The following AHI1 variants were observed in gnomAD, a reference collection of about 807,000 sequenced individuals.
AHI1 encodes Abelson helper integration site 1, also known as jouberin.
Under a neutral mutation model 149.3 loss-of-function variants are expected in AHI1, and 123 were observed. The ratio of observed to expected loss-of-function variants is 0.82; its 90% CI spans 0.71 to 0.96. AHI1 has a LOEUF of 0.96. Among genes scored for constraint, AHI1 ranks in the 40% least tolerant of loss-of-function variants. The pLI, the probability that AHI1 is intolerant of heterozygous loss-of-function variation, is 0.00. For missense variants in AHI1, 1,439 were observed against 1,422.7 expected (o/e 1.01, Z -0.18); for synonymous variants, 475 against 459.8 (o/e 1.03, Z -0.42).
chr6:135,294,468 C>T (rs1397996032), intron 27 of AHI1, among the ~76,000 whole-genome samples: 37 of 151,948 alleles, frequency 2.4e-4, no homozygotes, highest in Non-Finnish European at 2.9e-5. Flanking sequence ...AAGATCACGC[C>T]ATTGCACTCC....
At chr6:135,394,971 T>C in intron 22 of AHI1, 75 bp from the exon 23 acceptor site, 1 of 1,480,886 alleles carries the variant, frequency 6.8e-7, no homozygotes, top group Non-Finnish European at 9.2e-7. Context: ...ATGAGAAATA[T>C]TTGCTTATTA....
At chr6:135,406,367 T>C (rs1780795123) in intron 21 of AHI1, among the ~76,000 whole-genome samples, 1 of 152,226 alleles carries the variant, frequency 6.6e-6, no homozygotes, top group African/African-American at 2.4e-5. Flanking sequence ...AAACTGACTG[T>C]GGACATGGGA....
intron 15 of AHI1, among the ~76,000 whole-genome samples, chr6:135,437,701 T>TAA (rs982634787): frequency 2.3e-4 from 35 of 152,286 alleles, no homozygotes; most frequent in African/African-American, 8.2e-4. Flanking sequence ...GTGGAGAGAA[T>TAA]AATGTCTTAC....
At chr6:135,357,512 A>G (rs1793177363) in intron 24 of AHI1, among the ~76,000 whole-genome samples, 1 of 152,234 alleles carries the variant, frequency 6.6e-6, no homozygotes, top group Non-Finnish European at 1.5e-5. Context: ...TTCTCACAAT[A>G]GGAAATGGAG....
chr6:135,293,408 AAAAAAAAAAAAAAAAAG>A (rs1258953422), intron 27 of AHI1, among the ~76,000 whole-genome samples: 9 of 125,524 alleles, frequency 7.2e-5, no homozygotes, highest in Non-Finnish European at 1.6e-4. Context: ...AAAAAAAAGA[AAAAAAAAAAAAAAAAAG>A]AAAAAAAGAA....
intron 5 of AHI1, among the ~76,000 whole-genome samples, chr6:135,472,149 A>G (rs1171830161): frequency 1.3e-5 from 2 of 151,526 alleles, no homozygotes; most frequent in African/African-American, 4.8e-5. Context: ...TAATCATGAC[A>G]TTGAACATTT....
At chr6:135,494,785 A>G (rs1795745450) in intron 3 of AHI1, among the ~76,000 whole-genome samples, 1 of 152,256 alleles carries the variant, frequency 6.6e-6, no homozygotes, top group African/African-American at 2.4e-5. Context: ...TGAGCCTACA[A>G]TATAAAGTAA....
chr6:135,430,139 G>A lies in AHI1; in HGVS notation c.2374-139C>T, dbSNP rs543224837. 5 of 551,466 alleles carry A rather than the reference G, an allele frequency of 9.1e-6. No homozygotes were observed. In the South Asian group the frequency reaches 1.3e-4, roughly 14 times the overall value. The allele number at this position is 551,466 out of a possible 1,614,324, so 34.2% of individuals were successfully genotyped here. ...TTAAAATTGTTAGCAAAAGGATTCT[G>A]AGTAACGTCAGTTTAGGGCTGAAAA... On this transcript the variant is annotated intron_variant, in intron 17 of 28. Transcript: ENST00000265602.
At chr6:135,379,854 G>A (rs1776440983) in intron 23 of AHI1, among the ~76,000 whole-genome samples, 1 of 151,628 alleles carries the variant, frequency 6.6e-6, no homozygotes, top group Non-Finnish European at 1.5e-5. Context: ...ACAACTTACA[G>A]CTTCCTAGCT....
chr6:135,318,471 A>T lies in AHI1; in HGVS notation c.3426+48T>A, dbSNP rs200532937. 2.7e-6 allele frequency: 3 copies of T among 1,123,630 alleles called. No individual in the cohort carries two copies. The East Asian group carries it at 7.7e-5, about 29-fold the overall frequency. 69.6% of individuals were successfully genotyped at this position (1,123,630 alleles called of 1,614,324 possible). On this transcript the variant is annotated intron_variant, in intron 26 of 28. Transcript: ENST00000265602. ...ATAAAGTAATATTTTATCCAGAGAG[A>T]GTGAAAATCAAAGTACATATGTAAT... is the stretch of plus-strand genomic sequence containing the variant.
Position 135,466,265 on chromosome 6 carries a change from T to G in AHI1, c.298A>C (p.Lys100Gln). The part of the protein sequence containing the change: ...LKKSTRVTKN[K>Q]LRNTQLATEN... ...GTTGCTAACTGTGTGTTCCTCAATTTGTTTTTAGTGACTCTCGTGCTCTTC... is the reference window on the plus strand; with the variant it reads ...GTTGCTAACTGTGTGTTCCTCAATTGGTTTTTAGTGACTCTCGTGCTCTTC... The change falls in exon 7 of 29, where the codon AAA becomes CAA. Residue 100 changes from lysine (K) to glutamine (Q), a missense_variant. By Grantham distance (53) the Lys-to-Gln change is moderately conservative (BLOSUM62 1). Transcript: ENST00000265602. The G allele has an allele frequency of 1.9e-6, 3 of 1,613,988 alleles. No homozygotes were observed. Among genetic ancestry groups the G allele is most frequent in the Non-Finnish European group, 2.5e-6 (3 of 1,179,866 alleles).
intron 23 of AHI1, among the ~76,000 whole-genome samples, chr6:135,393,104 T>C (rs1778747040): frequency 6.6e-6 from 1 of 152,112 alleles, no homozygotes; most frequent in Non-Finnish European, 1.5e-5. Context: ...ATGGCCTACA[T>C]GGCCATGGAA....
In AHI1 at chr6:135,482,894, C is replaced by CTTTTTT. The variant is rs761997683; in HGVS notation, c.135+7723_135+7728dup. On this transcript the variant is annotated intron_variant, in intron 5 of 28. Coordinates refer to ENST00000265602, the MANE Select transcript of AHI1 (RefSeq NM_001134831.2). Reference sequence around the variant, plus strand: ...TTCAACCAGTATAATCCATTTAAGGCTTTTTTTTTTTTTTTGAGACAGAGT... The same window carrying CTTTTTT: ...TTCAACCAGTATAATCCATTTAAGGCTTTTTTTTTTTTTTTTTTTTTGAGACAGAGT... Among the ~76,000 whole-genome samples the CTTTTTT allele has an allele frequency of 2.8e-3, 157 of 55,728 alleles. 51 individuals are homozygous for CTTTTTT. The highest frequency in any genetic ancestry group is 0.013 in the African/African-American group (137 of 10,782). 36.6% of individuals were successfully genotyped at this position (55,728 alleles called of 152,430 possible).
intron 24 of AHI1, among the ~76,000 whole-genome samples, chr6:135,337,699 C>G (rs934941853): frequency 6.8e-6 from 1 of 146,852 alleles, no homozygotes; most frequent in African/African-American, 2.5e-5. Context: ...GAGGTCAAGG[C>G]TGCAGTGAGC....
chr6:135,285,360 C>T lies in AHI1; in HGVS notation c.*285G>A. On this transcript the variant is annotated 3_prime_UTR_variant, in exon 29 of 29. Coordinates refer to ENST00000265602, the MANE Select transcript of AHI1 (RefSeq NM_001134831.2). ...TACAGTGTTTTCTTCATTAGTTTTC[C>T]AACACTGGTAATGTAATTATGATGC... The T allele has an allele frequency of 4.1e-6, 2 of 484,234 alleles. No homozygotes were observed. Among genetic ancestry groups the T allele is most frequent in the Non-Finnish European group, 3.7e-6 (1 of 270,214 alleles). 30.0% of individuals were successfully genotyped at this position (484,234 alleles called of 1,614,324 possible). A position where few individuals can be genotyped will look rare whatever the true frequency, so the allele number is the denominator to read the frequency against.
intron 20 of AHI1, among the ~76,000 whole-genome samples, chr6:135,415,275 T>C (rs963046517): frequency 2.6e-5 from 4 of 152,190 alleles, no homozygotes; most frequent in East Asian, 1.9e-4. Context: ...AATAAACATA[T>C]GTGTGCATGT....
intron 23 of AHI1, among the ~76,000 whole-genome samples, chr6:135,362,585 G>C (rs1341780196): frequency 3.9e-5 from 6 of 152,184 alleles, no homozygotes; most frequent in Non-Finnish European, 7.4e-5. Context: ...TCACATTGCA[G>C]TTTTGATTTG....
chr6:135,416,211 A>G (rs1782354902), intron 20 of AHI1, among the ~76,000 whole-genome samples: 1 of 152,138 alleles, frequency 6.6e-6, no homozygotes, highest in Non-Finnish European at 1.5e-5. Flanking sequence ...TAATCTTACT[A>G]TGCAGAGTTC....
chr6:135,344,033 T>C (rs73559934), intron 24 of AHI1, among the ~76,000 whole-genome samples: 1,767 of 152,058 alleles, frequency 0.012, 38 homozygotes, highest in African/African-American at 0.041. Flanking sequence ...GGTTCCAGGA[T>C]TCCCCTTGGA....
Sources: gnomAD v4.1 joint callset for allele counts (sites outside exome capture counted in the v4.1 genomes callset) on GRCh38, gnomAD v4.1.1 for gene constraint, MANE v1.5 for transcripts, NCBI Gene and HGNC (gene_info 2026-07-23, HGNC 2026-07-21) for gene names.